Variants in GAB2 observed in about 807,000 individuals in gnomAD.
GAB2 encodes the protein GRB2 associated binding protein 2.
In GAB2, 26 loss-of-function variants were observed where a neutral mutation model predicts 65.5. That is an observed-to-expected ratio of 0.40 (90% CI 0.29 to 0.55). The LOEUF is 0.55. Ranked by LOEUF, GAB2 falls within the 20% of genes least tolerant of loss-of-function variation. The pLI is 0.53. For synonymous variants in GAB2, 321 were observed against 329.6 expected (o/e 0.97, Z 0.28); for missense variants, 884 against 875.8 (o/e 1.01, Z -0.12).
At chr11:78,338,089 ACT>A (rs151090022) in intron 1 of GAB2, among the ~76,000 whole-genome samples, 1,596 of 152,216 alleles carry the variant, frequency 0.01, 23 homozygotes, top group African/African-American at 0.036. Flanking sequence ...ATGTTACCTG[ACT>A]CTTCAGGAGA....
intron 1 of GAB2, among the ~76,000 whole-genome samples, chr11:78,351,603 G>A (rs995758102): frequency 1.3e-5 from 2 of 152,146 alleles, no homozygotes; most frequent in Non-Finnish European, 2.9e-5. Flanking sequence ...AACTCCCAGT[G>A]CTTCATTTAC....
At chr11:78,291,556 TTTTTC>T (rs1333705849) in intron 1 of GAB2, among the ~76,000 whole-genome samples, 626 of 52,786 alleles carry the variant, frequency 0.012, 49 homozygotes, top group African/African-American at 0.081. Context: ...TACTTTTTTC[TTTTTC>T]TTTTTTTTTT....
rs1565115384 is a variant in GAB2, at chr11:78,227,030, G to GC, written c.641dup (p.Thr215HisfsTer10). 6.2e-7 allele frequency: 1 copy of GC among 1,611,194 alleles called. No individual in the cohort carries two copies. ...TCCTCATGAGAAAAGAGGCTCTGGT[G>GC]CCCTGAGAGAAGCTGGCACTCCTAA... On this transcript the variant is annotated frameshift_variant, in exon 4 of 10. Coordinates refer to ENST00000361507, the MANE Select transcript of GAB2 (RefSeq NM_080491.3). LOFTEE classifies it high-confidence loss of function.
At chr11:78,400,218 A>G (rs1856951657) in intron 1 of GAB2, among the ~76,000 whole-genome samples, 1 of 152,116 alleles carries the variant, frequency 6.6e-6, no homozygotes, top group South Asian at 2.1e-4. Flanking sequence ...CATTTTGAAC[A>G]CCATATTCCT....
intron 3 of GAB2, among the ~76,000 whole-genome samples, chr11:78,240,902 C>A (rs1638872791): frequency 6.6e-6 from 1 of 152,200 alleles, no homozygotes; most frequent in Non-Finnish European, 1.5e-5. Context: ...AGTGAACCTG[C>A]ACCCCAAGAC....
intron 1 of GAB2, among the ~76,000 whole-genome samples, chr11:78,404,713 T>C (rs1281314163): frequency 6.6e-6 from 1 of 152,046 alleles, no homozygotes; most frequent in East Asian, 1.9e-4. Context: ...AAAACTGAAC[T>C]CATGGAGATA....
chr11:78,345,042 G>C (rs1416022275), intron 1 of GAB2, among the ~76,000 whole-genome samples: 1 of 152,218 alleles, frequency 6.6e-6, no homozygotes, highest in East Asian at 1.9e-4. Context: ...AGGAGGGAGG[G>C]AGGGAGGCGG....
chr11:78,416,004 A>T (rs1376583211), intron 1 of GAB2, among the ~76,000 whole-genome samples: 2 of 141,930 alleles, frequency 1.4e-5, no homozygotes, highest in Admixed American at 7.1e-5. Context: ...ATCTATTTGT[A>T]TAGATAATTT....
chr11:78,388,547 C>T (rs1021659749), intron 1 of GAB2, among the ~76,000 whole-genome samples: 1 of 150,130 alleles, frequency 6.7e-6, no homozygotes, highest in Non-Finnish European at 1.5e-5. Context: ...AGGCTGATCT[C>T]GAACTCGTGG....
intron 1 of GAB2, among the ~76,000 whole-genome samples, chr11:78,336,352 A>AAAC (rs1856001316): frequency 6.7e-6 from 1 of 149,310 alleles, no homozygotes; most frequent in African/African-American, 2.5e-5. Context: ...AAAAAAAAAA[A>AAAC]AAAAAAAAAA....
At position 78,387,052 on chromosome 11, in the gene GAB2, C is replaced by G. The variant is rs1476444976; in HGVS notation, c.75+30594G>C. 3.9e-5 allele frequency among the ~76,000 whole-genome samples: 6 copies of G among 152,126 alleles called. No homozygotes were observed. In the South Asian group the frequency reaches 8.3e-4, roughly 21 times the overall value. ...ATAATGAATGAATGAATCAATCAAT[C>G]AATGAATGAGGTGGGGACTCACTTT... On this transcript the variant is annotated intron_variant, in intron 1 of 9. Coordinates refer to ENST00000361507, the MANE Select transcript of GAB2 (RefSeq NM_080491.3).
At chr11:78,238,943 C>T (rs1865058507) in intron 3 of GAB2, among the ~76,000 whole-genome samples, 1 of 152,054 alleles carries the variant, frequency 6.6e-6, no homozygotes, top group Non-Finnish European at 1.5e-5. Flanking sequence ...AACAACCTGA[C>T]TGAAAAATGG....
chr11:78,394,674 C>T (rs1856873879), intron 1 of GAB2, among the ~76,000 whole-genome samples: 1 of 152,186 alleles, frequency 6.6e-6, no homozygotes, highest in South Asian at 2.1e-4. Context: ...GCTGTTACCC[C>T]ACTGTTTGGC....
At chr11:78,329,869 A>T (rs1228791784) in intron 1 of GAB2, among the ~76,000 whole-genome samples, 1 of 152,232 alleles carries the variant, frequency 6.6e-6, no homozygotes, top group African/African-American at 2.4e-5. Flanking sequence ...TTCTAGTTAG[A>T]AAATCTGGAA....
chr11:78,232,862 T>A (rs1864882512), intron 3 of GAB2, among the ~76,000 whole-genome samples: 1 of 152,140 alleles, frequency 6.6e-6, no homozygotes, highest in Non-Finnish European at 1.5e-5. Context: ...TACCCCCTAC[T>A]CAAAAATAAT....
At chr11:78,324,546 TA>T (rs1855788966) in intron 1 of GAB2, among the ~76,000 whole-genome samples, 1 of 152,228 alleles carries the variant, frequency 6.6e-6, no homozygotes, top group South Asian at 2.1e-4. Flanking sequence ...AAGCAATGGC[TA>T]GCCTTTCATG....
At chr11:78,272,927 A>T (rs969969833) in intron 2 of GAB2, among the ~76,000 whole-genome samples, 1 of 152,276 alleles carries the variant, frequency 6.6e-6, no homozygotes, top group African/African-American at 2.4e-5. Flanking sequence ...GCCAAGGTAC[A>T]GCTTGGGCTG....
intron 1 of GAB2, among the ~76,000 whole-genome samples, chr11:78,297,350 T>G (rs1866860449): frequency 6.6e-6 from 1 of 152,130 alleles, no homozygotes; most frequent in African/African-American, 2.4e-5. Context: ...TTTAAGTATT[T>G]GTTAATGAAG....
chr11:78,293,656 C>T (rs1161121785), intron 1 of GAB2, among the ~76,000 whole-genome samples: 1 of 152,214 alleles, frequency 6.6e-6, no homozygotes, highest in South Asian at 2.1e-4. Context: ...ATCAGTTTAG[C>T]GACAAGCGTT....
Sources: allele counts gnomAD v4.1 joint callset (sites outside exome capture counted in the v4.1 genomes callset), GRCh38; gene constraint gnomAD v4.1.1; transcripts MANE v1.5; gene names NCBI Gene and HGNC (gene_info 2026-07-23, HGNC 2026-07-21).